PSD3: variants seen among roughly 807,000 people sequenced by gnomAD.
PSD3 encodes PH and SEC7 domain-containing protein 3.
A neutral mutation model predicts 105.5 loss-of-function variants in PSD3; 49 were observed. The ratio of observed to expected loss-of-function variants is 0.46; its 90% CI spans 0.37 to 0.59. The LOEUF is 0.59. Ranked by LOEUF, PSD3 falls within the 20% of genes least tolerant of loss-of-function variation. The pLI is 0.00. For missense variants in PSD3, 1,561 were observed against 1,263.8 expected, an observed-to-expected ratio of 1.24 and a Z score of -3.57; for synonymous variants, 557 against 457.8, an observed-to-expected ratio of 1.22 and a Z score of -2.77.
chr8:18,616,623 C>CTTT (rs1215460486), intron 11 of PSD3, among the ~76,000 whole-genome samples: 20,593 of 96,958 alleles, frequency 0.21, 1,938 homozygotes, highest in South Asian at 0.23. Context: ...CCTCTCTTTT[C>CTTT]TTTTCTTTTT....
At chr8:18,759,766 T>A (rs1396203395) in intron 9 of PSD3, among the ~76,000 whole-genome samples, 1 of 152,132 alleles carries the variant, frequency 6.6e-6, no homozygotes, top group African/African-American at 2.4e-5. Context: ...CCACCCTTTA[T>A]GTTCCTAGAC....
chr8:18,669,227 A>G (rs1009420229), intron 9 of PSD3, among the ~76,000 whole-genome samples: 8 of 152,182 alleles, frequency 5.3e-5, no homozygotes, highest in Non-Finnish European at 7.3e-5. Flanking sequence ...CACTAATTAG[A>G]ATGTACTTTT....
chr8:18,713,298 G>A (rs1381746326), intron 9 of PSD3, among the ~76,000 whole-genome samples: 1 of 152,080 alleles, frequency 6.6e-6, no homozygotes, highest in Non-Finnish European at 1.5e-5. Context: ...AATCAGGCAA[G>A]AGAAAGAAAT....
At chr8:19,058,277 G>A (rs1194992539) in intron 1 of PSD3, among the ~76,000 whole-genome samples, 2 of 152,056 alleles carry the variant, frequency 1.3e-5, no homozygotes, top group African/African-American at 4.8e-5. Flanking sequence ...TGGTTTCCAG[G>A]GATTATGGGT....
chr8:18,897,560 G>T (rs368683799), intron 2 of PSD3, among the ~76,000 whole-genome samples: 1 of 152,160 alleles, frequency 6.6e-6, no homozygotes, highest in Non-Finnish European at 1.5e-5. Flanking sequence ...TACTTTGATA[G>T]GGAATGCACT....
At chr8:18,548,712 T>C (rs538746670) in intron 15 of PSD3, among the ~76,000 whole-genome samples, 8 of 152,298 alleles carry the variant, frequency 5.3e-5, no homozygotes, top group East Asian at 1.9e-4. Context: ...GACAGGTAGT[T>C]TGCACTTGCT....
rs1406189612 is a variant in PSD3 at position 18,531,100 on chromosome 8, TTGA to T, written c.*4640_*4642del. 4 of 152,548 alleles carry T rather than the reference TTGA, an allele frequency of 2.6e-5. No individual in the cohort carries two copies. The highest frequency in any genetic ancestry group is 4.4e-5 in the Non-Finnish European group (3 of 68,030). 9.4% of individuals were successfully genotyped at this position (152,548 alleles called of 1,614,324 possible). A position where few individuals can be genotyped will look rare whatever the true frequency, so the allele number is the denominator to read the frequency against. ...ACAATGGCAGGTGACAGCATTTTCT[TTGA>T]TGACTGACATACTGCCTGTAAGAAT... On this transcript the variant is annotated 3_prime_UTR_variant, in exon 16 of 16. Coordinates refer to ENST00000327040, the MANE Select transcript of PSD3 (RefSeq NM_015310.4).
At chr8:18,592,982 T>C (rs1238875137) in intron 12 of PSD3, among the ~76,000 whole-genome samples, 1 of 152,176 alleles carries the variant, frequency 6.6e-6, no homozygotes, top group Non-Finnish European at 1.5e-5. Flanking sequence ...TCAAGATGGA[T>C]TAAAGACTTA....
chr8:18,574,004 G>A (rs979327723), intron 13 of PSD3, among the ~76,000 whole-genome samples: 1 of 152,154 alleles, frequency 6.6e-6, no homozygotes, highest in African/African-American at 2.4e-5. Flanking sequence ...AAAATCATCT[G>A]ATGTGATCAT....
intron 9 of PSD3, among the ~76,000 whole-genome samples, chr8:18,666,941 T>C (rs771203768): frequency 3.3e-5 from 5 of 152,196 alleles, no homozygotes; most frequent in African/African-American, 4.8e-5. Flanking sequence ...GTTACAGTTC[T>C]TAAAGGAGAC....
intron 9 of PSD3, among the ~76,000 whole-genome samples, chr8:18,726,130 C>A (rs543358507): frequency 6.6e-6 from 1 of 152,228 alleles, no homozygotes; most frequent in Non-Finnish European, 1.5e-5. Flanking sequence ...TTCTCTCCTG[C>A]CTTGTCCACC....
intron 2 of PSD3, among the ~76,000 whole-genome samples, chr8:18,918,839 C>G (rs928204187): frequency 6.6e-6 from 1 of 152,064 alleles, no homozygotes; most frequent in African/African-American, 2.4e-5. Flanking sequence ...GTACCTGTAC[C>G]GTGCCCCTTT....
At chr8:18,570,809 CA>C (rs1802082207) in intron 14 of PSD3, among the ~76,000 whole-genome samples, 1 of 150,978 alleles carries the variant, frequency 6.6e-6, no homozygotes, top group Non-Finnish European at 1.5e-5. Context: ...ATTTTTAAAG[CA>C]AAAATGTGAT....
chr8:18,596,432 A>G (rs1262773148), intron 12 of PSD3, among the ~76,000 whole-genome samples: 1 of 152,066 alleles, frequency 6.6e-6, no homozygotes, highest in Non-Finnish European at 1.5e-5. Context: ...TCAGCACAGG[A>G]AAGACACAGT....
At chr8:18,824,694 A>C (rs557016298) in intron 4 of PSD3, among the ~76,000 whole-genome samples, 11 of 152,316 alleles carry the variant, frequency 7.2e-5, no homozygotes, top group African/African-American at 2.6e-4. Flanking sequence ...TGCTACAAAG[A>C]AATGTGTAGT....
chr8:18,743,593 C>A (rs903927777), intron 9 of PSD3, among the ~76,000 whole-genome samples: 1 of 152,118 alleles, frequency 6.6e-6, no homozygotes, highest in African/African-American at 2.4e-5. Flanking sequence ...ACCTATTATA[C>A]CAGGGAGCCA....
intron 9 of PSD3, among the ~76,000 whole-genome samples, chr8:18,676,424 C>G (rs1382933390): frequency 6.6e-6 from 1 of 152,210 alleles, no homozygotes; most frequent in Non-Finnish European, 1.5e-5. Flanking sequence ...CCTCTACCAC[C>G]TCACTGATGC....
chr8:18,652,196 T>C lies in PSD3; in HGVS notation c.2216+3446A>G, dbSNP rs566032747. On this transcript the variant is annotated intron_variant, in intron 10 of 15. Transcript: ENST00000327040. ...TGAGCGCTAAGTGCCAGCAGAAACA[T>C]CCTGCAGGAAAATGCAAACACTGAA... 5.0e-4 allele frequency among the ~76,000 whole-genome samples: 76 copies of C among 152,088 alleles called. 1 individual carries two copies. The highest frequency in any genetic ancestry group is 1.8e-3 in the African/African-American group (74 of 41,494).
At chr8:18,975,941 G>C (rs1824922033) in intron 1 of PSD3, among the ~76,000 whole-genome samples, 1 of 152,104 alleles carries the variant, frequency 6.6e-6, no homozygotes, top group Non-Finnish European at 1.5e-5. Flanking sequence ...CATTCTTCTA[G>C]AGAGACAGAA....
Sources: gnomAD v4.1 joint callset for allele counts (sites outside exome capture counted in the v4.1 genomes callset) on GRCh38, gnomAD v4.1.1 for gene constraint, MANE v1.5 for transcripts, NCBI Gene and HGNC (gene_info 2026-07-23, HGNC 2026-07-21) for gene names.